Variants in TENM2 observed in about 807,000 individuals in gnomAD.
TENM2 encodes the protein teneurin transmembrane protein 2, also known as teneurin-2.
In TENM2, 52 loss-of-function variants were observed where a neutral mutation model predicts 245.2. That is an observed-to-expected ratio of 0.21 (90% CI 0.17 to 0.27). The LOEUF (loss-of-function observed/expected upper bound fraction) is 0.27. TENM2 is among the 10% of genes least tolerant of loss of function. The probability of loss-of-function intolerance (pLI) is 1.00; values close to 1 mark genes in which losing one functional copy is unlikely to be tolerated. For synonymous variants in TENM2, 1,363 were observed against 1,438.9 expected, an observed-to-expected ratio of 0.95 and a Z score of 1.19; for missense variants, 3,046 against 3,666.8, an observed-to-expected ratio of 0.83 and a Z score of 4.37.
chr5:167,146,872 T>TA, the TENM2 span, among the ~76,000 whole-genome samples: 3 of 151,872 alleles, frequency 2.0e-5, no homozygotes, highest in Non-Finnish European at 4.4e-5. Flanking sequence ...GGAGATGAAT[T>TA]AAAAAAAATG....
intron 2 of TENM2, among the ~76,000 whole-genome samples, chr5:167,457,282 T>TTTTTA (rs71591185): frequency 0.048 from 6,247 of 129,890 alleles, 347 homozygotes; most frequent in East Asian, 0.19. Flanking sequence ...ACTGACCTGC[T>TTTTTA]TTTTATTTTA....
intron 7 of TENM2, among the ~76,000 whole-genome samples, chr5:168,068,505 A>T (rs568498486): frequency 5.9e-5 from 9 of 152,306 alleles, no homozygotes; most frequent in Admixed American, 3.9e-4. Flanking sequence ...TAGTATTATC[A>T]TGTTAATCTC....
At chr5:167,391,836 G>A (rs1216486347) in intron 2 of TENM2, among the ~76,000 whole-genome samples, 1 of 152,000 alleles carries the variant, frequency 6.6e-6, no homozygotes, top group Admixed American at 6.6e-5. Flanking sequence ...GATCTGGACT[G>A]GAGATGTCAA....
chr5:168,236,969 TATATATATATATATATATATATA>T (rs1562318833), intron 25 of TENM2, among the ~76,000 whole-genome samples: 4 of 7,162 alleles, frequency 5.6e-4, no homozygotes, highest in African/African-American at 1.3e-3. Flanking sequence ...TATATATATA[TATATATATATATATATATATATA>T]TATATATATT....
At chr5:167,634,231 A>G (rs1779051506) in intron 2 of TENM2, among the ~76,000 whole-genome samples, 1 of 152,226 alleles carries the variant, frequency 6.6e-6, no homozygotes, top group South Asian at 2.1e-4. Context: ...CTGCATTCCA[A>G]TATAGCCCCA....
chr5:167,917,355 C>T (rs755275352), intron 3 of TENM2, among the ~76,000 whole-genome samples: 4 of 152,002 alleles, frequency 2.6e-5, no homozygotes, highest in Non-Finnish European at 4.4e-5. Context: ...GCTGGAGTCT[C>T]GGGGGGTTGT....
chr5:167,663,445 ACT>A (rs1415099705), intron 2 of TENM2, among the ~76,000 whole-genome samples: 1 of 151,856 alleles, frequency 6.6e-6, no homozygotes, highest in African/African-American at 2.4e-5. Flanking sequence ...TTGAGAATAA[ACT>A]CTTTTTCTCT....
intron 2 of TENM2, among the ~76,000 whole-genome samples, chr5:167,664,876 C>T (rs1057154246): frequency 1.3e-5 from 2 of 152,174 alleles, no homozygotes; most frequent in African/African-American, 4.8e-5. Context: ...TCTCTAAAGC[C>T]TTCTTGAACT....
intron 1 of TENM2, among the ~76,000 whole-genome samples, chr5:167,358,815 A>G (rs1759512080): frequency 4.8e-5 from 1 of 20,944 alleles, no homozygotes. Context: ...ACACACACAC[A>G]CACACACACA....
intron 2 of TENM2, among the ~76,000 whole-genome samples, chr5:167,682,693 C>T (rs1205408495): frequency 2.0e-5 from 3 of 152,040 alleles, no homozygotes; most frequent in African/African-American, 7.3e-5. Flanking sequence ...CTGTAATGCT[C>T]GCTCACCTGC....
chr5:168,146,226 T>C (rs1486080194), intron 12 of TENM2, among the ~76,000 whole-genome samples: 1 of 152,182 alleles, frequency 6.6e-6, no homozygotes, highest in Non-Finnish European at 1.5e-5. Flanking sequence ...AACTCTTTTT[T>C]ATATAAAACG....
chr5:167,563,997 G>T (rs1248523820), intron 2 of TENM2, among the ~76,000 whole-genome samples: 2 of 152,156 alleles, frequency 1.3e-5, no homozygotes, highest in Non-Finnish European at 1.5e-5. Context: ...ACTGGTGCAC[G>T]ACTGTACTTA....
At chr5:167,269,429 G>A in the TENM2 span, among the ~76,000 whole-genome samples, 2 of 151,930 alleles carry the variant, frequency 1.3e-5, no homozygotes, top group Non-Finnish European at 2.9e-5. Flanking sequence ...GTTATCATCC[G>A]TTTCTGGATT....
Position 167,471,213 on chromosome 5 carries a change from C to T in TENM2, c.502+95740C>T, listed in dbSNP as rs1006569808. On this transcript the variant is annotated intron_variant, in intron 2 of 28. Coordinates refer to ENST00000518659, the Ensembl canonical transcript of TENM2. ...CTCTACATATTCATGAGAATTCTTC[C>T]TTGCTCTGTTGTACACTGAAGGGAG... is the stretch of plus-strand genomic sequence containing the variant. 7.9e-5 allele frequency among the ~76,000 whole-genome samples: 12 copies of T among 152,114 alleles called. 1 individual carries two copies. The highest frequency in any genetic ancestry group is 6.6e-4 in the Admixed American group (10 of 15,266).
At chr5:167,756,510 G>T (rs1762321297) in intron 2 of TENM2, among the ~76,000 whole-genome samples, 1 of 152,122 alleles carries the variant, frequency 6.6e-6, no homozygotes, top group East Asian at 1.9e-4. Flanking sequence ...GTTCCACAGT[G>T]GTGCAATTTC....
chr5:167,911,059 C>T (rs1057386862), intron 3 of TENM2, among the ~76,000 whole-genome samples: 3 of 152,062 alleles, frequency 2.0e-5, no homozygotes, highest in African/African-American at 2.4e-5. Flanking sequence ...ATGTTTTTTT[C>T]AACTACAACA....
rs200273913 is a variant in TENM2 at position 167,919,435 on chromosome 5, A to G, written c.713-33153A>G. ...TAATGGAATGCTAGTGCCTATGAAT[A>G]AATAAATCTGATTTACATAGAGGAC... On this transcript the variant is annotated intron_variant, in intron 3 of 28. Coordinates refer to ENST00000518659, the Ensembl canonical transcript of TENM2. 1.4e-4 allele frequency among the ~76,000 whole-genome samples: 22 copies of G among 152,362 alleles called. No homozygotes were observed. In the East Asian group the frequency reaches 4.0e-3, roughly 28 times the overall value.
chr5:167,925,947 C>T (rs1335128186), intron 3 of TENM2, among the ~76,000 whole-genome samples: 2 of 152,056 alleles, frequency 1.3e-5, no homozygotes, highest in African/African-American at 2.4e-5. Context: ...ACGCTGGGGT[C>T]CACTTGAGGG....
chr5:167,923,912 G>C (rs1777558152), intron 3 of TENM2, among the ~76,000 whole-genome samples: 1 of 152,054 alleles, frequency 6.6e-6, no homozygotes, highest in South Asian at 2.1e-4. Flanking sequence ...AAAGAGATAA[G>C]GTGTGACTGT....
Sources: allele counts gnomAD v4.1 joint callset (sites outside exome capture counted in the v4.1 genomes callset), GRCh38; gene constraint gnomAD v4.1.1; transcripts MANE v1.5; gene names NCBI Gene and HGNC (gene_info 2026-07-23, HGNC 2026-07-21).